The following PTPRD variants were observed in gnomAD, a reference collection of about 807,000 sequenced individuals.
PTPRD encodes the protein receptor-type tyrosine-protein phosphatase delta.
Under a neutral mutation model 214.5 loss-of-function variants are expected in PTPRD, and 34 were observed. The ratio of observed to expected loss-of-function variants is 0.16; its 90% CI spans 0.12 to 0.21. The LOEUF (loss-of-function observed/expected upper bound fraction) is 0.21, where lower values mean the gene tolerates loss of function less well. Among genes scored for constraint, PTPRD ranks in the 10% least tolerant of loss-of-function variants. The probability of loss-of-function intolerance (pLI) is 1.00; values close to 1 mark genes in which losing one functional copy is unlikely to be tolerated. For missense variants in PTPRD, 2,545 were observed against 2,398.7 expected, an observed-to-expected ratio of 1.06 and a Z score of -1.27; for synonymous variants, 1,128 against 845.7, an observed-to-expected ratio of 1.33 and a Z score of -5.79.
At chr9:9,001,520 T>A (rs1219339549) in intron 11 of PTPRD, among the ~76,000 whole-genome samples, 1 of 151,996 alleles carries the variant, frequency 6.6e-6, no homozygotes, top group Non-Finnish European at 1.5e-5. Flanking sequence ...TCTAGATAAA[T>A]GGCACCACAG....
At chr9:9,790,920 A>T (rs905930663) in intron 5 of PTPRD, among the ~76,000 whole-genome samples, 1 of 152,206 alleles carries the variant, frequency 6.6e-6, no homozygotes, top group Non-Finnish European at 1.5e-5. Flanking sequence ...CAAGTATGGT[A>T]ACTAGTTCAG....
chr9:9,178,220 G>A (rs2099926105), intron 10 of PTPRD, among the ~76,000 whole-genome samples: 1 of 151,994 alleles, frequency 6.6e-6, no homozygotes, highest in Non-Finnish European at 1.5e-5. Flanking sequence ...AGCCTACAAA[G>A]AGATTGAACT....
intron 7 of PTPRD, among the ~76,000 whole-genome samples, chr9:9,654,422 A>T (rs1013458107): frequency 2.0e-5 from 3 of 150,648 alleles, no homozygotes; most frequent in African/African-American, 7.5e-5. Context: ...ACATATATAC[A>T]TATATATGTG....
intron 7 of PTPRD, among the ~76,000 whole-genome samples, chr9:9,588,557 T>C (rs892521281): frequency 6.6e-6 from 1 of 152,018 alleles, no homozygotes; most frequent in African/African-American, 2.4e-5. Flanking sequence ...TGATCAAGTT[T>C]ATCTTATTAG....
At chr9:10,263,272 G>A (rs1444810064) in intron 3 of PTPRD, among the ~76,000 whole-genome samples, 1 of 152,156 alleles carries the variant, frequency 6.6e-6, no homozygotes, top group Non-Finnish European at 1.5e-5. Flanking sequence ...ACAGGCAGAG[G>A]TTGAAACAGT....
intron 14 of PTPRD, among the ~76,000 whole-genome samples, chr9:8,542,576 G>A (rs985169309): frequency 4.6e-5 from 7 of 152,228 alleles, no homozygotes; most frequent in Admixed American, 2.6e-4. Flanking sequence ...GCAATGTCAT[G>A]TATTTGAGGC....
chr9:8,631,950 T>C (rs2096266890), intron 14 of PTPRD, among the ~76,000 whole-genome samples: 1 of 151,948 alleles, frequency 6.6e-6, no homozygotes, highest in Non-Finnish European at 1.5e-5. Context: ...GAAATGTAGC[T>C]CAAATCTCAC....
intron 35 of PTPRD, among the ~76,000 whole-genome samples, chr9:8,420,791 C>A (rs992784780): frequency 6.7e-6 from 1 of 149,240 alleles, no homozygotes; most frequent in African/African-American, 2.5e-5. Context: ...ATGAATACTA[C>A]AGATCATTTT....
chr9:9,183,845 G>A (rs867395953), intron 9 of PTPRD, among the ~76,000 whole-genome samples: 15 of 152,020 alleles, frequency 9.9e-5, no homozygotes, highest in Middle Eastern at 6.8e-3. Context: ...TATCCTACTC[G>A]TTCTGGGACG....
At chr9:9,415,206 A>G (rs1295128255) in intron 8 of PTPRD, among the ~76,000 whole-genome samples, 1 of 151,984 alleles carries the variant, frequency 6.6e-6, no homozygotes, top group Non-Finnish European at 1.5e-5. Context: ...CATAAAAAAG[A>G]CCTCTCTTCC....
At chr9:8,838,298 G>A (rs1233065931) in intron 11 of PTPRD, among the ~76,000 whole-genome samples, 2 of 151,550 alleles carry the variant, frequency 1.3e-5, no homozygotes, top group Non-Finnish European at 2.9e-5. Flanking sequence ...ACAGTTCGGT[G>A]CATCGTTTGG....
At chr9:9,589,811 T>G (rs2092523878) in intron 7 of PTPRD, among the ~76,000 whole-genome samples, 1 of 152,004 alleles carries the variant, frequency 6.6e-6, no homozygotes, top group Non-Finnish European at 1.5e-5. Flanking sequence ...ACACACATAG[T>G]AGTGATTGTT....
At chr9:9,808,174 AC>A (rs1274834539) in intron 5 of PTPRD, among the ~76,000 whole-genome samples, 1 of 152,150 alleles carries the variant, frequency 6.6e-6, no homozygotes, top group African/African-American at 2.4e-5. Context: ...ATACTTCATA[AC>A]TATTATGTTT....
chr9:10,287,802 C>A (rs545757106), intron 3 of PTPRD, among the ~76,000 whole-genome samples: 1 of 152,116 alleles, frequency 6.6e-6, no homozygotes, highest in Non-Finnish European at 1.5e-5. Context: ...TAGAAGCATT[C>A]CTTAGGCAGG....
At chr9:10,574,594 C>T (rs1419304569) in intron 2 of PTPRD, among the ~76,000 whole-genome samples, 4 of 151,908 alleles carry the variant, frequency 2.6e-5, no homozygotes, top group Admixed American at 6.6e-5. Flanking sequence ...GATTCAAATA[C>T]ATTTGTGGGT....
At chr9:8,418,620 T>A (rs1325984826) in intron 35 of PTPRD, among the ~76,000 whole-genome samples, 2 of 151,940 alleles carry the variant, frequency 1.3e-5, no homozygotes. Flanking sequence ...TCTGTGAAAG[T>A]CTTTCAAGGT....
chr9:9,671,033 G>T (rs1234073628), intron 7 of PTPRD, among the ~76,000 whole-genome samples: 1 of 152,112 alleles, frequency 6.6e-6, no homozygotes, highest in Non-Finnish European at 1.5e-5. Flanking sequence ...TCCACCAACA[G>T]CTTGCACCAT....
At chr9:8,718,294 T>G (rs555652286) in intron 12 of PTPRD, among the ~76,000 whole-genome samples, 37 of 152,330 alleles carry the variant, frequency 2.4e-4, no homozygotes, top group African/African-American at 8.9e-4. Context: ...ATTCATTTGT[T>G]AAACTACAAG....
intron 8 of PTPRD, among the ~76,000 whole-genome samples, chr9:9,493,091 A>G (rs1169557305): frequency 1.3e-5 from 2 of 151,500 alleles, no homozygotes; most frequent in African/African-American, 4.9e-5. Flanking sequence ...TAACCCTAAA[A>G]GGCCTCTAAG....
Sources: gnomAD v4.1 joint callset for allele counts (sites outside exome capture counted in the v4.1 genomes callset) on GRCh38, gnomAD v4.1.1 for gene constraint, MANE v1.5 for transcripts, NCBI Gene and HGNC (gene_info 2026-07-23, HGNC 2026-07-21) for gene names.